The following VAMP7 variants were observed in gnomAD, a reference collection of about 807,000 sequenced individuals.
VAMP7 encodes the protein vesicle-associated membrane protein 7.
A neutral mutation model predicts 29.6 loss-of-function variants in VAMP7; 14 were observed. The observed-to-expected ratio is 0.47, with a 90% CI of 0.31 to 0.74. VAMP7 has a LOEUF of 0.74. VAMP7 is among the 30% of genes least tolerant of loss of function. The pLI is 0.05. For missense variants in VAMP7, 223 were observed against 262.4 expected, an observed-to-expected ratio of 0.85 and a Z score of 1.04; for synonymous variants, 95 against 88.1, an observed-to-expected ratio of 1.08 and a Z score of -0.44.
chrX:155,895,857 A>T (rs2065980700), intron 3 of VAMP7, among the ~76,000 whole-genome samples, 177 bp downstream of exon 3: 1 of 152,126 alleles, frequency 6.6e-6, no homozygotes, highest in African/African-American at 2.4e-5. Context: ...TTACCACCTG[A>T]GTTCTGCCTC....
chrX:155,882,539 A>G (rs1272147929), intron 1 of VAMP7, among the ~76,000 whole-genome samples: 1 of 152,168 alleles, frequency 6.6e-6, no homozygotes, highest in African/African-American at 2.4e-5. Context: ...AGCAGTGTTT[A>G]TTCTTCATTC....
chrX:155,903,425 A>T (rs1157212393), intron 5 of VAMP7, among the ~76,000 whole-genome samples: 2 of 152,204 alleles, frequency 1.3e-5, no homozygotes, highest in African/African-American at 4.8e-5. Context: ...GACAACCTAC[A>T]AAATAGGAGA....
rs181383410 is a variant in VAMP7, at chrX:155,918,738, G to T, written c.434-1075G>T. On this transcript the variant is annotated intron_variant, in intron 5 of 7. Transcript: ENST00000286448. ...TGATTTCACTGGGAGCTGCAGACCAGAGCTGTTCCTATTCGGTCATCTTGC... is the reference window on the plus strand; with the variant it reads ...TGATTTCACTGGGAGCTGCAGACCATAGCTGTTCCTATTCGGTCATCTTGC... 6.2e-4 allele frequency among the ~76,000 whole-genome samples: 94 copies of T among 152,262 alleles called. 2 individuals carry two copies. The East Asian group carries it at 0.011, about 18-fold the overall frequency.
chrX:155,905,039 C>G (rs1246270220), intron 5 of VAMP7, among the ~76,000 whole-genome samples: 1 of 151,690 alleles, frequency 6.6e-6, no homozygotes, highest in Non-Finnish European at 1.5e-5. Context: ...TTTATACATT[C>G]CTAATAGCAA....
chrX:155,900,073 G>T (rs751689851), intron 4 of VAMP7, among the ~76,000 whole-genome samples: 96 of 151,900 alleles, frequency 6.3e-4, no homozygotes, highest in African/African-American at 2.3e-3. Flanking sequence ...TGAGAAGCTG[G>T]GCCAGCCCCT....
chrX:155,941,441 T>A (rs2066742342), intron 7 of VAMP7, among the ~76,000 whole-genome samples: 1 of 152,166 alleles, frequency 6.6e-6, no homozygotes, highest in Admixed American at 6.5e-5. Context: ...GAAAGCCTTC[T>A]ACTCAGGCTT....
intron 3 of VAMP7, among the ~76,000 whole-genome samples, chrX:155,897,842 T>C (rs943692616): frequency 2.0e-5 from 3 of 152,156 alleles, no homozygotes; most frequent in African/African-American, 7.2e-5. Flanking sequence ...AAGAAGTTGA[T>C]AACCTAGGTA....
At position 155,943,521 on chromosome X, in the gene VAMP7, C is replaced by T. The variant is rs923419685; in HGVS notation, c.*1570C>T. 3.9e-5 allele frequency: 6 copies of T among 152,426 alleles called. No individual in the cohort carries two copies. The highest frequency in any genetic ancestry group is 7.4e-5 in the Non-Finnish European group (5 of 68,014). The allele number at this position is 152,426 out of a possible 1,614,324, so 9.4% of individuals were successfully genotyped here. The stretch of plus-strand genomic sequence containing the variant: ...CATCAGTATTTCCTATTGGAAAATA[C>T]ATCTGTTCCAGAAAAACATTTGGCA... On this transcript the variant is annotated 3_prime_UTR_variant, in exon 8 of 8. Transcript: ENST00000286448.
chrX:155,886,802 G>A (rs2065870635), intron 1 of VAMP7, among the ~76,000 whole-genome samples: 1 of 152,158 alleles, frequency 6.6e-6, no homozygotes, highest in Non-Finnish European at 1.5e-5. Context: ...TGTACTTTGA[G>A]ATTATGTAAG....
intron 5 of VAMP7, among the ~76,000 whole-genome samples, chrX:155,918,696 TTACCC>T (rs1197088726): frequency 1.3e-5 from 2 of 152,128 alleles, no homozygotes; most frequent in African/African-American, 4.8e-5. Context: ...AATGCAGAAA[TTACCC>T]ACCTTCTGCA....
chrX:155,910,169 C>T (rs181355611), intron 5 of VAMP7, among the ~76,000 whole-genome samples: 1 of 152,158 alleles, frequency 6.6e-6, no homozygotes, highest in African/African-American at 2.4e-5. Flanking sequence ...ATGAGATCAA[C>T]TGTTTTAGTT....
intron 6 of VAMP7, among the ~76,000 whole-genome samples, chrX:155,927,419 A>AG (rs2066485047): frequency 1.3e-5 from 2 of 150,582 alleles, no homozygotes; most frequent in Non-Finnish European, 3.0e-5. Context: ...AAAAAAAAAA[A>AG]ACAAACCAGA....
intron 6 of VAMP7, among the ~76,000 whole-genome samples, chrX:155,920,928 A>G (rs1420271296): frequency 6.6e-6 from 1 of 152,164 alleles, no homozygotes; most frequent in South Asian, 2.1e-4. Flanking sequence ...TCATCAAAGC[A>G]TGTGGTAGGT....
intron 6 of VAMP7, among the ~76,000 whole-genome samples, chrX:155,939,089 G>T (rs867984261): frequency 0.018 from 4 of 228 alleles, no homozygotes; most frequent in Non-Finnish European, 0.028. Flanking sequence ...ATACATCTGT[G>T]GGACCATACC....
intron 1 of VAMP7, among the ~76,000 whole-genome samples, chrX:155,883,346 C>T (rs892683680): frequency 1.3e-5 from 2 of 152,184 alleles, no homozygotes; most frequent in Non-Finnish European, 2.9e-5. Context: ...GCCTTCTCTT[C>T]TTCCATCCAT....
Position 155,936,215 on chromosome X carries a change from C to G in VAMP7, c.502-3486C>G, listed in dbSNP as rs905035184. 3.3e-5 allele frequency among the ~76,000 whole-genome samples: 5 copies of G among 152,292 alleles called. No homozygotes were observed. The East Asian group carries it at 7.7e-4, about 24-fold the overall frequency. The stretch of plus-strand genomic sequence containing the variant: ...ACTCTGTCCTGGGAGAACCACTACT[C>G]TCTTCAAAGCTGTCAGACAGGGACA... On this transcript the variant is annotated intron_variant, in intron 6 of 7. Transcript: ENST00000286448.
At chrX:155,888,694 T>C (rs1235597594) in intron 1 of VAMP7, among the ~76,000 whole-genome samples, 5 of 152,200 alleles carry the variant, frequency 3.3e-5, no homozygotes, top group African/African-American at 1.2e-4. Flanking sequence ...TACCATTCCT[T>C]TCTTGTGGAA....
chrX:155,919,158 T>A (rs2066358417), intron 5 of VAMP7, among the ~76,000 whole-genome samples: 1 of 152,170 alleles, frequency 6.6e-6, no homozygotes, highest in Non-Finnish European at 1.5e-5. Flanking sequence ...GTGATATTAG[T>A]TCTTCTCTGT....
chrX:155,941,995 A>C lies in VAMP7; in HGVS notation c.*44A>C, dbSNP rs773379694. 7.5e-5 allele frequency: 121 copies of C among 1,613,684 alleles called. 1 individual carries two copies. In the South Asian group the frequency reaches 1.3e-3, roughly 18 times the overall value. Reference sequence around the variant, plus strand: ...TAACCAAGGATATGAGAGAACAAGGAGTTAAAAGCAATCCATGTGACTCAA... The same window carrying C: ...TAACCAAGGATATGAGAGAACAAGGCGTTAAAAGCAATCCATGTGACTCAA... On this transcript the variant is annotated 3_prime_UTR_variant, in exon 8 of 8. Transcript: ENST00000286448.
Sources: allele counts gnomAD v4.1 joint callset (sites outside exome capture counted in the v4.1 genomes callset), GRCh38; gene constraint gnomAD v4.1.1; transcripts MANE v1.5; gene names NCBI Gene and HGNC (gene_info 2026-07-23, HGNC 2026-07-21).